SMURF2: variants seen among roughly 807,000 people sequenced by gnomAD.
SMURF2 encodes E3 ubiquitin-protein ligase SMURF2.
In SMURF2, 48 loss-of-function variants were observed where a neutral mutation model predicts 109.6. The ratio of observed to expected loss-of-function variants is 0.44; its 90% CI spans 0.35 to 0.56. The LOEUF (loss-of-function observed/expected upper bound fraction) is 0.56, where lower values mean the gene tolerates loss of function less well. Ranked by LOEUF, SMURF2 falls within the 20% of genes least tolerant of loss-of-function variation. The pLI, the probability that SMURF2 is intolerant of heterozygous loss-of-function variation, is 0.01. For synonymous variants in SMURF2, 288 were observed against 317.1 expected, an observed-to-expected ratio of 0.91 and a Z score of 0.97; for missense variants, 575 against 909.0, an observed-to-expected ratio of 0.63 and a Z score of 4.72.
At chr17:64,649,630 T>TAAGGAGTTTGAGAA (rs148959292) in intron 1 of SMURF2, among the ~76,000 whole-genome samples, 7,591 of 152,120 alleles carry the variant, frequency 0.05, 316 homozygotes, top group Admixed American at 0.14. Context: ...TCACTTAAGA[T>TAAGGAGTTTGAGAA]AAGGAGTTTG....
At chr17:64,641,230 A>G (rs936524720) in intron 1 of SMURF2, among the ~76,000 whole-genome samples, 2 of 152,126 alleles carry the variant, frequency 1.3e-5, no homozygotes, top group African/African-American at 4.8e-5. Flanking sequence ...TTTTTATGCC[A>G]TTTGTTAAGT....
At chr17:64,634,604 C>T (rs1970390706) in intron 1 of SMURF2, among the ~76,000 whole-genome samples, 1 of 152,212 alleles carries the variant, frequency 6.6e-6, no homozygotes, top group African/African-American at 2.4e-5. Context: ...AATTAATCTA[C>T]TCCAACCACC....
At chr17:64,606,670 G>T in intron 1 of SMURF2, 30 bp from the exon 2 acceptor site, 1 of 1,450,126 alleles carries the variant, frequency 6.9e-7, no homozygotes, top group South Asian at 1.3e-5. Context: ...AAAATACATG[G>T]GAAAAATTAA....
chr17:64,588,086 T>C (rs747035966), intron 5 of SMURF2, among the ~76,000 whole-genome samples: 1 of 134,772 alleles, frequency 7.4e-6, no homozygotes, highest in African/African-American at 2.9e-5. Context: ...AATGTGTTTA[T>C]GGTCCAAAAA....
chr17:64,547,470 G>C lies in SMURF2; in HGVS notation c.2071+130C>G. On this transcript the variant is annotated intron_variant, in intron 17 of 18. Coordinates refer to ENST00000262435, the MANE Select transcript of SMURF2 (RefSeq NM_022739.4). This position sits in a 1 kb window ranked among gnomAD's most constrained non-coding sequence, Gnocchi z 4.2. ...AGGAGGGAGAAGAAGGTATCACAAT[G>C]TGAGAGTCACAGATAAGAAGTGAAA... is the stretch of plus-strand genomic sequence containing the variant. 1 of 748,088 alleles carries C rather than the reference G, an allele frequency of 1.3e-6. No individual in the cohort carries two copies. The highest frequency in any genetic ancestry group is 2.2e-6 in the Non-Finnish European group (1 of 456,078). 46.3% of individuals were successfully genotyped at this position (748,088 alleles called of 1,614,324 possible).
intron 2 of SMURF2, among the ~76,000 whole-genome samples, chr17:64,604,365 C>T (rs1954508381): frequency 6.6e-6 from 1 of 152,010 alleles, no homozygotes; most frequent in African/African-American, 2.4e-5. Context: ...CTGCCTACAC[C>T]CATGAAAAAG....
At chr17:64,653,895 A>G (rs1216464889) in intron 1 of SMURF2, among the ~76,000 whole-genome samples, 1 of 152,206 alleles carries the variant, frequency 6.6e-6, no homozygotes, top group Non-Finnish European at 1.5e-5. Flanking sequence ...AGTATTCCTC[A>G]GGAATGAAAA....
At chr17:64,555,043 A>G in intron 14 of SMURF2, 50 bp from the exon 15 acceptor site, 1 of 1,514,432 alleles carries the variant, frequency 6.6e-7, no homozygotes, top group Non-Finnish European at 9.1e-7. Flanking sequence ...TAAAATACAG[A>G]CCCTATAGAT....
chr17:64,640,905 G>A (rs1295337114), intron 1 of SMURF2, among the ~76,000 whole-genome samples: 6 of 144,410 alleles, frequency 4.2e-5, no homozygotes, highest in Non-Finnish European at 6.0e-5. Flanking sequence ...GCAACAGAGT[G>A]AGACTCCATC....
At chr17:64,632,884 T>G (rs1280194560) in intron 1 of SMURF2, among the ~76,000 whole-genome samples, 1 of 152,256 alleles carries the variant, frequency 6.6e-6, no homozygotes, top group Non-Finnish European at 1.5e-5. Context: ...ACTCGCCTAC[T>G]TCAGAGTATT....
intron 1 of SMURF2, among the ~76,000 whole-genome samples, chr17:64,630,672 T>C (rs782668112): frequency 2.6e-5 from 4 of 152,234 alleles, no homozygotes; most frequent in Non-Finnish European, 5.9e-5. Context: ...AAAGGTTTTA[T>C]AACTATCCTT....
chr17:64,589,191 A>C (rs1326198025), intron 5 of SMURF2, among the ~76,000 whole-genome samples: 2 of 152,158 alleles, frequency 1.3e-5, no homozygotes, highest in Admixed American at 6.5e-5. Context: ...AGAGTAAAAC[A>C]TTTGTTTTCT....
At chr17:64,607,029 CAAAT>C (rs1476841032) in intron 1 of SMURF2, among the ~76,000 whole-genome samples, 1 of 148,372 alleles carries the variant, frequency 6.7e-6, no homozygotes, top group African/African-American at 2.5e-5. Context: ...AAGAGGATCA[CAAAT>C]AAAGATAAAG....
At chr17:64,590,793 T>C (rs1311693018) in intron 5 of SMURF2, among the ~76,000 whole-genome samples, 4 of 152,234 alleles carry the variant, frequency 2.6e-5, no homozygotes, top group African/African-American at 9.6e-5. Flanking sequence ...TTCAGTAAAC[T>C]TTAATAACAT....
intron 1 of SMURF2, among the ~76,000 whole-genome samples, chr17:64,640,186 T>C (rs1970476277): frequency 6.6e-6 from 1 of 152,138 alleles, no homozygotes; most frequent in African/African-American, 2.4e-5. Flanking sequence ...GGTAAATAAA[T>C]GAATATTAAA....
chr17:64,616,557 G>A (rs188119999), intron 1 of SMURF2, among the ~76,000 whole-genome samples: 12 of 151,862 alleles, frequency 7.9e-5, no homozygotes, highest in Admixed American at 7.2e-4. Context: ...AGGAGGCTAA[G>A]GCAGAAAAAT....
chr17:64,570,438 G>A (rs1413492561), intron 10 of SMURF2, among the ~76,000 whole-genome samples: 7 of 152,146 alleles, frequency 4.6e-5, no homozygotes, highest in African/African-American at 1.4e-4. Flanking sequence ...TGTTGAAAAA[G>A]ACACTTTGCT....
chr17:64,583,354 A>T, intron 7 of SMURF2, 107 bp downstream of exon 7: 1 of 845,340 alleles, frequency 1.2e-6, no homozygotes, highest in Non-Finnish European at 2.0e-6. Context: ...CTGATCTACG[A>T]CAGCAAAAAC....
intron 3 of SMURF2, among the ~76,000 whole-genome samples, chr17:64,597,175 G>A (rs1194009658): frequency 1.3e-5 from 2 of 152,130 alleles, no homozygotes; most frequent in African/African-American, 4.8e-5. Flanking sequence ...GGAGGCCAAG[G>A]AGGGAGAATC....
Sources: allele counts gnomAD v4.1 joint callset (sites outside exome capture counted in the v4.1 genomes callset), GRCh38; gene constraint gnomAD v4.1.1; non-coding constraint Gnocchi (gnomAD v3.1); transcripts MANE v1.5; gene names NCBI Gene and HGNC (gene_info 2026-07-23, HGNC 2026-07-21).